Variants in ANKH observed in about 807,000 individuals in gnomAD.
The protein encoded by ANKH is ANKH inorganic pyrophosphate transport regulator.
In ANKH, 15 loss-of-function variants were observed where a neutral mutation model predicts 49.0. The observed-to-expected ratio is 0.31, with a 90% CI of 0.20 to 0.47. The LOEUF (loss-of-function observed/expected upper bound fraction) is 0.47, where lower values mean the gene tolerates loss of function less well. ANKH is among the 20% of genes least tolerant of loss of function. ANKH has a pLI of 1.00. For synonymous variants in ANKH, 273 were observed against 260.0 expected (o/e 1.05, Z -0.48); for missense variants, 429 against 652.0 (o/e 0.66, Z 3.72).
chr5:14,706,581 G>C lies in ANKH; in HGVS notation c.*4616C>G, dbSNP rs544979104. The C allele has an allele frequency of 5.3e-5, 8 of 152,278 alleles. No individual in the cohort carries two copies. In the East Asian group the frequency reaches 1.5e-3, roughly 29 times the overall value. 9.4% of individuals were successfully genotyped at this position (152,278 alleles called of 1,614,324 possible). A position where few individuals can be genotyped will look rare whatever the true frequency, so the allele number is the denominator to read the frequency against. Reference sequence around the variant, plus strand: ...TATATATTTGTGACTTTTCTGAGTGGAGTTTGGGTTATTTTGATTCCACAA... The same window carrying C: ...TATATATTTGTGACTTTTCTGAGTGCAGTTTGGGTTATTTTGATTCCACAA... On this transcript the variant is annotated 3_prime_UTR_variant, in exon 12 of 12. Coordinates refer to ENST00000284268, the MANE Select transcript of ANKH (RefSeq NM_054027.6).
chr5:14,734,184 A>G (rs964152901), intron 8 of ANKH, among the ~76,000 whole-genome samples: 1 of 152,048 alleles, frequency 6.6e-6, no homozygotes, highest in Non-Finnish European at 1.5e-5. Context: ...ACCTTTTCTG[A>G]TTACCTGCTC....
chr5:14,828,358 A>G (rs1741406026), intron 1 of ANKH, among the ~76,000 whole-genome samples: 1 of 152,010 alleles, frequency 6.6e-6, no homozygotes, highest in South Asian at 2.1e-4. Context: ...AACAACAAAA[A>G]CAACTATAAA....
chr5:14,768,990 A>G lies in ANKH; in HGVS notation c.298T>C (p.Phe100Leu), dbSNP rs1349518851. 7 of 1,614,116 alleles carry G rather than the reference A, an allele frequency of 4.3e-6. No individual in the cohort carries two copies. Among genetic ancestry groups the G allele is most frequent in the Non-Finnish European group, 5.9e-6 (7 of 1,180,044 alleles). ...GCGGCCTCACCTATCAGTGTGTGAA[A>G]GACGGCAGCGATGGCCCCTGCCACC... ...MVVAGAIAAV[F>L]HTLIAYSDLG... Residue 100 changes from phenylalanine to leucine, a missense_variant, in exon 2 of 12, where the codon TTT (phenylalanine) becomes CTT (leucine). Physicochemically the swap from Phe to Leu is conservative, Grantham distance 22. Coordinates refer to ENST00000284268, the MANE Select transcript of ANKH (RefSeq NM_054027.6).
chr5:14,720,632 G>T (rs1283197509), intron 8 of ANKH, among the ~76,000 whole-genome samples: 1 of 152,212 alleles, frequency 6.6e-6, no homozygotes, highest in Non-Finnish European at 1.5e-5. Context: ...CTGCCTTACA[G>T]TCTGGGCTGG....
chr5:14,777,857 C>T (rs962241835), intron 1 of ANKH, among the ~76,000 whole-genome samples: 8 of 152,172 alleles, frequency 5.3e-5, no homozygotes, highest in African/African-American at 1.7e-4. Flanking sequence ...ATAAGTTGGG[C>T]CCATGAGCCC....
chr5:14,843,289 T>C (rs826355), intron 1 of ANKH, among the ~76,000 whole-genome samples: 70,247 of 151,076 alleles, frequency 0.46, 16,601 homozygotes, highest in East Asian at 0.75. Flanking sequence ...GGGTCTCCTG[T>C]GTCAGCCTCC....
intron 8 of ANKH, 177 bp downstream of exon 8, chr5:14,741,650 G>A (rs1738357248): frequency 2.3e-5 from 14 of 605,356 alleles, no homozygotes; most frequent in Non-Finnish European, 4.1e-5. Flanking sequence ...CTAGACTCAA[G>A]GGCCTCCTTG....
intron 1 of ANKH, among the ~76,000 whole-genome samples, chr5:14,848,693 A>G (rs1443748330): frequency 6.6e-6 from 1 of 152,148 alleles, no homozygotes; most frequent in African/African-American, 2.4e-5. Flanking sequence ...ATCTTAATCA[A>G]GCTGAACACT....
intron 1 of ANKH, among the ~76,000 whole-genome samples, chr5:14,843,200 G>A (rs1399632459): frequency 5.2e-5 from 7 of 135,210 alleles, no homozygotes; most frequent in Non-Finnish European, 1.1e-4. Context: ...TTTTTGAGAA[G>A]AGACTCGTTC....
rs35821509 is a variant in ANKH at position 14,721,929 on chromosome 5, C to CAAAAAAAAAAAAAA, written c.1012-5108_1012-5095dup. The stretch of plus-strand genomic sequence containing the variant: ...TGGGCGACAGAGCGAGACTCCGTCT[C>CAAAAAAAAAAAAAA]AAAAAAAAAAAAAAAAAAAAAAAAA... On this transcript the variant is annotated intron_variant, in intron 8 of 11. Coordinates refer to ENST00000284268, the MANE Select transcript of ANKH (RefSeq NM_054027.6). 1.9e-4 allele frequency among the ~76,000 whole-genome samples: 11 copies of CAAAAAAAAAAAAAA among 59,458 alleles called. 1 individual carries two copies. Among genetic ancestry groups the CAAAAAAAAAAAAAA allele is most frequent in the African/African-American group, 1.0e-3 (11 of 10,550 alleles). 39.0% of individuals were successfully genotyped at this position (59,458 alleles called of 152,430 possible).
At chr5:14,828,393 G>T (rs1458760708) in intron 1 of ANKH, among the ~76,000 whole-genome samples, 1 of 152,068 alleles carries the variant, frequency 6.6e-6, no homozygotes, top group Non-Finnish European at 1.5e-5. Context: ...GGTGGTGGGT[G>T]CCTGGCGCCT....
chr5:14,841,572 C>T (rs1026235819), intron 1 of ANKH, among the ~76,000 whole-genome samples: 10 of 152,224 alleles, frequency 6.6e-5, no homozygotes, highest in Non-Finnish European at 1.5e-4. Context: ...GCTAGGATTA[C>T]AAGTGTGAGC....
intron 8 of ANKH, among the ~76,000 whole-genome samples, chr5:14,736,760 G>A (rs1738196473): frequency 6.6e-6 from 1 of 152,182 alleles, no homozygotes; most frequent in Non-Finnish European, 1.5e-5. Flanking sequence ...GGGTATAGTC[G>A]TGTAGTTCGT....
At chr5:14,766,984 C>T (rs143771354) in intron 2 of ANKH, among the ~76,000 whole-genome samples, 1 of 152,302 alleles carries the variant, frequency 6.6e-6, no homozygotes, top group East Asian at 1.9e-4. Flanking sequence ...ATGTAAGTAG[C>T]TGTTTTCAGC....
intron 8 of ANKH, among the ~76,000 whole-genome samples, chr5:14,733,585 A>C (rs924025818): frequency 1.3e-5 from 2 of 152,212 alleles, no homozygotes; most frequent in African/African-American, 4.8e-5. Context: ...TTTAGCATGC[A>C]ATCAGCTGTT....
intron 1 of ANKH, chr5:14,868,620 G>C (rs1735725765): frequency 6.6e-6 from 1 of 151,636 alleles, no homozygotes; most frequent in Non-Finnish European, 1.5e-5. Flanking sequence ...ATGTTGGCCA[G>C]GCTGGTCTCG....
intron 1 of ANKH, among the ~76,000 whole-genome samples, chr5:14,864,787 A>C (rs2934812): frequency 0.7 from 106,039 of 152,108 alleles, 37,582 homozygotes; most frequent in Middle Eastern, 0.83. Flanking sequence ...TTATGCTGCA[A>C]TTTAAAATCA....
chr5:14,871,274 A>T, intron 1 of ANKH, 78 bp downstream of exon 1: 2 of 1,264,662 alleles, frequency 1.6e-6, no homozygotes, highest in Non-Finnish European at 1.1e-6. Context: ...GGAGCAGGTG[A>T]CTCCCCTCCG....
At chr5:14,822,239 A>G (rs1741216549) in intron 1 of ANKH, among the ~76,000 whole-genome samples, 1 of 152,228 alleles carries the variant, frequency 6.6e-6, no homozygotes, top group South Asian at 2.1e-4. Flanking sequence ...TATCTCAATA[A>G]TAATTTTATT....
Sources: gnomAD v4.1 joint callset for allele counts (sites outside exome capture counted in the v4.1 genomes callset) on GRCh38, gnomAD v4.1.1 for gene constraint, MANE v1.5 for transcripts, NCBI Gene and HGNC (gene_info 2026-07-23, HGNC 2026-07-21) for gene names.